TNFRSF10A: variants seen among roughly 807,000 people sequenced by gnomAD.
TNFRSF10A encodes the protein TNF receptor superfamily member 10a.
In TNFRSF10A, 44 loss-of-function variants were observed where a neutral mutation model predicts 42.8. The observed-to-expected ratio is 1.03, with a 90% CI of 0.81 to 1.32. TNFRSF10A has a LOEUF of 1.32. Ranked by LOEUF, TNFRSF10A falls within the 40% of genes most tolerant of loss-of-function variation. The probability of loss-of-function intolerance (pLI) is 0.00; values close to 1 mark genes in which losing one functional copy is unlikely to be tolerated. For missense variants in TNFRSF10A, 680 were observed against 602.0 expected (o/e 1.13, Z -1.36); for synonymous variants, 259 against 234.2 (o/e 1.11, Z -0.97).
intron 7 of TNFRSF10A, among the ~76,000 whole-genome samples, chr8:23,199,656 G>A (rs999410097): frequency 6.6e-6 from 1 of 152,138 alleles, no homozygotes; most frequent in Non-Finnish European, 1.5e-5. Context: ...AGGCTGTGGG[G>A]TAAGGGTCTC....
At chr8:23,193,217 G>T (rs1466198888) in intron 9 of TNFRSF10A, among the ~76,000 whole-genome samples, 1 of 152,162 alleles carries the variant, frequency 6.6e-6, no homozygotes, top group African/African-American at 2.4e-5. Context: ...ACAGGTTTTG[G>T]TTCCCTGGCT....
At chr8:23,201,157 G>A (rs1396024050) in intron 4 of TNFRSF10A, among the ~76,000 whole-genome samples, 1 of 152,214 alleles carries the variant, frequency 6.6e-6, no homozygotes, top group Non-Finnish European at 1.5e-5. Flanking sequence ...GCCCCCACCT[G>A]TCTGCTGGTT....
chr8:23,214,121 A>G (rs1398638149), intron 1 of TNFRSF10A, among the ~76,000 whole-genome samples: 1 of 152,074 alleles, frequency 6.6e-6, no homozygotes, highest in African/African-American at 2.4e-5. Flanking sequence ...GGCGTGAGCT[A>G]CAGAGCTCAG....
At position 23,212,157 on chromosome 8, in the gene TNFRSF10A, T is replaced by C. The variant is rs1350855586; in HGVS notation, c.362A>G (p.Gln121Arg). Residue 121 changes from glutamine (Q) to arginine (R), a missense_variant, in exon 2 of 10, where the codon CAG becomes CGG. Physicochemically the swap from Gln to Arg is conservative, Grantham distance 43. Transcript: ENST00000221132. Reference protein sequence around the residue: ...IKLHDQSIGTQQWEHSPLGEL... With the variant: ...IKLHDQSIGTRQWEHSPLGEL... ...TCCCAAAGGGCTATGTTCCCATTGC[T>C]GTGTGCCAATTGATTGATCATGAAG... The C allele has an allele frequency of 5.0e-6, 8 of 1,613,834 alleles. No individual in the cohort carries two copies. The highest frequency in any genetic ancestry group is 1.1e-5 in the South Asian group (1 of 91,088).
chr8:23,214,655 T>C (rs960755603), intron 1 of TNFRSF10A, among the ~76,000 whole-genome samples: 8 of 152,228 alleles, frequency 5.3e-5, no homozygotes, highest in African/African-American at 1.7e-4. Flanking sequence ...GCCTAACATA[T>C]AGTGTGTCCT....
chr8:23,193,703 G>C (rs67820469), intron 9 of TNFRSF10A, among the ~76,000 whole-genome samples: 40,175 of 152,102 alleles, frequency 0.26, 6,233 homozygotes, highest in East Asian at 0.76. Flanking sequence ...AATGGAGAGA[G>C]GAAGCACCCT....
rs75047259 is a variant in TNFRSF10A at position 23,192,924 on chromosome 8, C to A, written c.1088-911G>T. On this transcript the variant is annotated intron_variant, in intron 9 of 9. Transcript: ENST00000221132. The stretch of plus-strand genomic sequence containing the variant: ...AAAGTAGCAAAGAACTGAAACTCAC[C>A]AGATCACTACATCCAGACCATGATG... Among the ~76,000 whole-genome samples, 598 of 152,294 alleles carry A rather than the reference C, an allele frequency of 3.9e-3. 5 individuals carry two copies. The highest frequency in any genetic ancestry group is 0.03 in the East Asian group (156 of 5,186).
intron 1 of TNFRSF10A, among the ~76,000 whole-genome samples, chr8:23,221,154 G>A: frequency 6.6e-6 from 1 of 152,334 alleles, no homozygotes; most frequent in African/African-American, 2.4e-5. Flanking sequence ...TAGAGGACAG[G>A]TGCTCTGGGG....
At position 23,199,245 on chromosome 8, in the gene TNFRSF10A, AG is replaced by A; in HGVS notation, c.1014+20del. 6.2e-7 allele frequency: 1 copy of A among 1,603,454 alleles called. No homozygotes were observed. The highest frequency in any genetic ancestry group is 8.5e-7 in the Non-Finnish European group (1 of 1,171,492). ...TCACCCCCTGCCTACAAGGTCTTGG[AG>A]GGGCCTGTCCCCAACTCACCAGCAG... On this transcript the variant is annotated intron_variant, in intron 8 of 9. Transcript: ENST00000221132.
At chr8:23,196,913 A>G (rs2128846864) in intron 9 of TNFRSF10A, among the ~76,000 whole-genome samples, 1 of 152,306 alleles carries the variant, frequency 6.6e-6, no homozygotes, top group Non-Finnish European at 1.5e-5. Flanking sequence ...GAGGATAGAC[A>G]GAGTGGCTAG....
chr8:23,204,230 G>A (rs1434992619), intron 2 of TNFRSF10A, among the ~76,000 whole-genome samples: 1 of 152,158 alleles, frequency 6.6e-6, no homozygotes, highest in Non-Finnish European at 1.5e-5. Flanking sequence ...ATAGAGACTA[G>A]GTCTATCAAG....
At chr8:23,192,054 A>G (rs1800763116) in intron 9 of TNFRSF10A, 41 bp from the exon 10 acceptor site, 1 of 1,578,504 alleles carries the variant, frequency 6.3e-7, no homozygotes, top group Non-Finnish European at 8.6e-7. Context: ...ATGAGTTGGG[A>G]CTCAGTTCAG....
intron 1 of TNFRSF10A, among the ~76,000 whole-genome samples, chr8:23,224,213 T>C (rs1801297285): frequency 7.1e-6 from 1 of 141,796 alleles, no homozygotes; most frequent in Non-Finnish European, 1.5e-5. Flanking sequence ...GGCAGGAGAA[T>C]CGCTTGAACC....
intron 4 of TNFRSF10A, 64 bp from the exon 5 acceptor site, chr8:23,200,824 G>A: frequency 6.9e-7 from 1 of 1,448,130 alleles, no homozygotes; most frequent in Non-Finnish European, 9.7e-7. Flanking sequence ...TGGGATGAAA[G>A]AGGAGCCACT....
intron 4 of TNFRSF10A, 113 bp from the exon 5 acceptor site, chr8:23,200,873 G>C (rs938725691): frequency 9.0e-6 from 9 of 1,004,438 alleles, no homozygotes; most frequent in African/African-American, 1.6e-5. Flanking sequence ...TCAGGGGAAG[G>C]ATAGTCTCCT....
Position 23,200,743 on chromosome 8 carries a change from A to G in TNFRSF10A, c.647T>C (p.Val216Ala). The stretch of plus-strand genomic sequence containing the variant: ...CCAGGGCGTACAATCCTTGACCTTG[A>G]CCATCCCTCTGGGGCACCTGGGTAC... ...KCSRGCPRGM[V>A]KVKDCTPWSD... The change falls in exon 5 of 10, where the codon GTC becomes GCC. Residue 216 changes from valine (V) to alanine (A), a missense_variant. By Grantham distance (64) the Val-to-Ala change is moderately conservative. Coordinates refer to ENST00000221132, the MANE Select transcript of TNFRSF10A (RefSeq NM_003844.4). 1.4e-6 allele frequency: 2 copies of G among 1,401,710 alleles called. No homozygotes were observed. Among genetic ancestry groups the G allele is most frequent in the Non-Finnish European group, 9.6e-7 (1 of 1,042,074 alleles). The allele number at this position is 1,401,710 out of a possible 1,614,324, so 86.8% of individuals were successfully genotyped here. A position where few individuals can be genotyped will look rare whatever the true frequency, so the allele number is the denominator to read the frequency against.
chr8:23,216,887 G>C (rs1801191512), intron 1 of TNFRSF10A, among the ~76,000 whole-genome samples: 2 of 152,102 alleles, frequency 1.3e-5, no homozygotes, highest in South Asian at 4.1e-4. Flanking sequence ...ATTGAGATCA[G>C]AGAACATATT....
intron 6 of TNFRSF10A, 56 bp downstream of exon 6, chr8:23,200,449 A>G: frequency 6.3e-7 from 1 of 1,593,882 alleles, no homozygotes; most frequent in South Asian, 1.1e-5. Context: ...GTCTGTGGGA[A>G]CAGAAGAAGG....
Position 23,200,721 on chromosome 8 carries a change from G to C in TNFRSF10A, c.669C>G (p.Pro223=), listed in dbSNP as rs1008280772. Residue 223 remains proline (P), a synonymous_variant, in exon 5 of 10, where the codon CCC becomes CCG. Coordinates refer to ENST00000221132, the MANE Select transcript of TNFRSF10A (RefSeq NM_003844.4). ...RGMVKVKDCT[P]WSDIECVHKE... ...TGTGGACACACTCGATGTCACTCCA[G>C]GGCGTACAATCCTTGACCTTGACCA... 8 of 1,613,968 alleles carry C rather than the reference G, an allele frequency of 5.0e-6. No homozygotes were observed. The highest frequency in any genetic ancestry group is 6.8e-6 in the Non-Finnish European group (8 of 1,180,014).
Sources: allele counts gnomAD v4.1 joint callset (sites outside exome capture counted in the v4.1 genomes callset), GRCh38; gene constraint gnomAD v4.1.1; transcripts MANE v1.5; gene names NCBI Gene and HGNC (gene_info 2026-07-23, HGNC 2026-07-21).